The following ABCA5 variants were observed in gnomAD, a reference collection of about 807,000 sequenced individuals.
The protein encoded by ABCA5 is cholesterol transporter ABCA5.
A neutral mutation model predicts 206.0 loss-of-function variants in ABCA5; 163 were observed. The observed-to-expected ratio is 0.79, with a 90% CI of 0.70 to 0.90. The LOEUF (loss-of-function observed/expected upper bound fraction) is 0.90, where lower values mean the gene tolerates loss of function less well. Among genes scored for constraint, ABCA5 ranks in the 40% least tolerant of loss-of-function variants. ABCA5 has a pLI of 0.00. For missense variants in ABCA5, 1,859 were observed against 1,912.9 expected, an observed-to-expected ratio of 0.97 and a Z score of 0.53; for synonymous variants, 609 against 613.8, an observed-to-expected ratio of 0.99 and a Z score of 0.11.
intron 1 of ABCA5, among the ~76,000 whole-genome samples, chr17:69,323,362 T>C (rs1276425314): frequency 6.6e-6 from 1 of 152,202 alleles, no homozygotes; most frequent in Non-Finnish European, 1.5e-5. Context: ...GATGTAACCC[T>C]GTTAAGCATC....
At chr17:69,305,356 G>T (rs2075705171) in intron 6 of ABCA5, among the ~76,000 whole-genome samples, 1 of 152,146 alleles carries the variant, frequency 6.6e-6, no homozygotes, top group South Asian at 2.1e-4. Context: ...CAATGGAATT[G>T]CTGCAGTATT....
chr17:69,286,041 G>C lies in ABCA5; in HGVS notation c.2133-4C>G, dbSNP rs1382052820. ...ACAATATTTGTCTATGTACATGCTA[G>C]AGAATACCAAAAATCACAATTAATG... is the stretch of plus-strand genomic sequence containing the variant. On this transcript the variant is annotated splice_region_variant and splice_polypyrimidine_tract_variant and intron_variant, in intron 16 of 38. Coordinates refer to ENST00000392676, the MANE Select transcript of ABCA5 (RefSeq NM_172232.4). 3.8e-6 allele frequency: 6 copies of C among 1,597,396 alleles called. No individual in the cohort carries two copies. Among genetic ancestry groups the C allele is most frequent in the Non-Finnish European group, 4.3e-6 (5 of 1,175,360 alleles).
In ABCA5 at chr17:69,274,121, G is replaced by A. The variant is rs747539849; in HGVS notation, c.2602C>T (p.Leu868=). Residue 868 remains leucine (L), a synonymous_variant, in exon 20 of 39, where the codon CTG becomes TTG. Coordinates refer to ENST00000392676, the MANE Select transcript of ABCA5 (RefSeq NM_172232.4). Reference sequence around the variant, plus strand: ...TGAACTGTGAAAAAAATTAAAAGCAGAAGCAACCTGAAAAGAAAAAAAAAA... The same window carrying A: ...TGAACTGTGAAAAAAATTAAAAGCAAAAGCAACCTGAAAAGAAAAAAAAAA... ...ESKSVRSVLL[L]LLIFFTVQIF... 5 of 1,556,624 alleles carry A rather than the reference G, an allele frequency of 3.2e-6. No individual in the cohort carries two copies. The highest frequency in any genetic ancestry group is 3.4e-6 in the Non-Finnish European group (4 of 1,159,932).
chr17:69,299,455 TACACAC>T (rs779059294), intron 9 of ABCA5, among the ~76,000 whole-genome samples: 34 of 62,626 alleles, frequency 5.4e-4, no homozygotes, highest in African/African-American at 1.5e-3. Context: ...GAAAATGTGA[TACACAC>T]ACACACACAT....
chr17:69,270,526 C>G (rs1598163104), intron 22 of ABCA5, 87 bp downstream of exon 22: 1 of 1,217,430 alleles, frequency 8.2e-7, no homozygotes, highest in East Asian at 2.8e-5. Flanking sequence ...TAAATTTCTA[C>G]ATATTTTGTT....
intron 6 of ABCA5, among the ~76,000 whole-genome samples, 187 bp from the exon 7 acceptor site, chr17:69,304,997 G>GTGATA (rs1264447243): frequency 6.6e-6 from 1 of 152,090 alleles, no homozygotes; most frequent in African/African-American, 2.4e-5. Context: ...TATTGGTTAA[G>GTGATA]TGATAGGTAA....
At chr17:69,313,965 C>T (rs1170348466) in intron 2 of ABCA5, among the ~76,000 whole-genome samples, 1 of 152,096 alleles carries the variant, frequency 6.6e-6, no homozygotes, top group Non-Finnish European at 1.5e-5. Flanking sequence ...GCAACTCAAT[C>T]TAGAGTCCAT....
chr17:69,305,450 G>A (rs560670123), intron 6 of ABCA5, among the ~76,000 whole-genome samples: 2 of 152,144 alleles, frequency 1.3e-5, no homozygotes, highest in Non-Finnish European at 2.9e-5. Context: ...AAAAGGTAGC[G>A]AAATTATCAA....
chr17:69,255,460 A>C (rs1026820337), intron 31 of ABCA5, 83 bp downstream of exon 31: 3 of 858,376 alleles, frequency 3.5e-6, no homozygotes, highest in Non-Finnish European at 5.0e-6. Context: ...ATTGAATATA[A>C]AATCCGAATT....
chr17:69,314,323 A>C lies in ABCA5; in HGVS notation c.93T>G (p.Ser31Arg). The change falls in exon 2 of 39, where the codon AGT becomes AGG. Residue 31 changes from serine (S) to arginine (R), a missense_variant. Coordinates refer to ENST00000392676, the MANE Select transcript of ABCA5 (RefSeq NM_172232.4). The part of the protein sequence containing the change: ...NYLIKCRTKK[S>R]SVQEILFPLF... ...GAGTTATTTAACTTACCTGAACACT[A>C]CTCTTTTTGGTTCTGCATTTAATTA... The C allele has an allele frequency of 6.2e-7, 1 of 1,610,336 alleles. No homozygotes were observed. The highest frequency in any genetic ancestry group is 8.5e-7 in the Non-Finnish European group (1 of 1,176,964).
chr17:69,291,336 GA>G lies in ABCA5; in HGVS notation c.1496-11del. On this transcript the variant is annotated splice_polypyrimidine_tract_variant and intron_variant, in intron 11 of 38. Coordinates refer to ENST00000392676, the MANE Select transcript of ABCA5 (RefSeq NM_172232.4). The stretch of plus-strand genomic sequence containing the variant: ...ATGTCAAATGACAAATCTAGTTCAG[GA>G]AAAAAGAAGACTCAAATGTAATTTT... The G allele has an allele frequency of 2.0e-6, 3 of 1,511,964 alleles. No homozygotes were observed. Among genetic ancestry groups the G allele is most frequent in the East Asian group, 2.3e-5 (1 of 44,088 alleles). 93.7% of individuals were successfully genotyped at this position (1,511,964 alleles called of 1,614,324 possible).
intron 29 of ABCA5, 112 bp downstream of exon 29, chr17:69,256,045 T>C (rs752615733): frequency 2.5e-4 from 349 of 1,374,848 alleles, no homozygotes; most frequent in Non-Finnish European, 3.2e-4. Flanking sequence ...CCAAGAAAGA[T>C]TTTTTTCAGA....
chr17:69,302,618 AT>A (rs2075663513), intron 8 of ABCA5, 99 bp downstream of exon 8: 11 of 767,652 alleles, frequency 1.4e-5, no homozygotes, highest in East Asian at 3.4e-5. Context: ...TTTTAAAATA[AT>A]TTTTTTGGTA....
intron 19 of ABCA5, among the ~76,000 whole-genome samples, chr17:69,274,604 A>G (rs530315471): frequency 4.1e-4 from 62 of 152,122 alleles, no homozygotes; most frequent in African/African-American, 1.4e-3. Flanking sequence ...AAAAAAAAAA[A>G]TAAGAAATCG....
In ABCA5 at chr17:69,284,169, A is replaced by T. The variant is rs564426; in HGVS notation, c.2273-97T>A. On this transcript the variant is annotated intron_variant, in intron 17 of 38. Coordinates refer to ENST00000392676, the MANE Select transcript of ABCA5 (RefSeq NM_172232.4). ...AAAATAAGTTCATGAACAGCCTGTG[A>T]AACATATCATGACCCATCTCTACAA... is the stretch of plus-strand genomic sequence containing the variant. 7.9e-5 allele frequency: 80 copies of T among 1,012,648 alleles called. No homozygotes were observed. The African/African-American group carries it at 9.1e-4, about 11-fold the overall frequency. The allele number at this position is 1,012,648 out of a possible 1,614,324, so 62.7% of individuals were successfully genotyped here. A position where few individuals can be genotyped will look rare whatever the true frequency, so the allele number is the denominator to read the frequency against.
chr17:69,247,682 T>C (rs1308121321), intron 38 of ABCA5, 38 bp from the exon 39 acceptor site: 5 of 1,250,838 alleles, frequency 4.0e-6, no homozygotes, highest in African/African-American at 3.0e-5. Context: ...GTATGCTGTA[T>C]CTCAAGTACC....
chr17:69,249,902 T>C lies in ABCA5; in HGVS notation c.4765+3A>G, dbSNP rs201677603. 177 of 1,564,454 alleles carry C rather than the reference T, an allele frequency of 1.1e-4. No homozygotes were observed. The African/African-American group carries it at 2.1e-3, about 19-fold the overall frequency. ...ATAAGCCAAAATAGAAGATACTACT[T>C]ACCTTCTTCCAGCTTAAAAAAAGAT... is the stretch of plus-strand genomic sequence containing the variant. On this transcript the variant is annotated splice_donor_region_variant and intron_variant, in intron 37 of 38. Transcript: ENST00000392676.
intron 6 of ABCA5, 32 bp downstream of exon 6, chr17:69,306,693 T>C (rs757297125): frequency 5.6e-6 from 6 of 1,066,846 alleles, no homozygotes. Context: ...CAATTTTTAA[T>C]TATATTAAGT....
At chr17:69,274,913 G>A (rs934578577) in intron 19 of ABCA5, among the ~76,000 whole-genome samples, 3 of 135,042 alleles carry the variant, frequency 2.2e-5, no homozygotes, top group African/African-American at 5.6e-5. Context: ...GTGTGATCTC[G>A]GCTCACTGCA....
Sources: gnomAD v4.1 joint callset for allele counts (sites outside exome capture counted in the v4.1 genomes callset) on GRCh38, gnomAD v4.1.1 for gene constraint, MANE v1.5 for transcripts, NCBI Gene and HGNC (gene_info 2026-07-23, HGNC 2026-07-21) for gene names.